Variants in PRKCQ observed in about 807,000 individuals in gnomAD.
The protein encoded by PRKCQ is protein kinase C theta type.
A neutral mutation model predicts 91.2 loss-of-function variants in PRKCQ; 41 were observed. The ratio of observed to expected loss-of-function variants is 0.45; its 90% CI spans 0.35 to 0.58. PRKCQ has a LOEUF of 0.58. Ranked by LOEUF, PRKCQ falls within the 20% of genes least tolerant of loss-of-function variation. The pLI, the probability that PRKCQ is intolerant of heterozygous loss-of-function variation, is 0.00. For synonymous variants in PRKCQ, 307 were observed against 316.9 expected (o/e 0.97, Z 0.33); for missense variants, 673 against 896.5 (o/e 0.75, Z 3.18).
At chr10:6,564,516 T>C (rs1840764605) in intron 1 of PRKCQ, among the ~76,000 whole-genome samples, 2 of 151,994 alleles carry the variant, frequency 1.3e-5, no homozygotes, top group Admixed American at 1.3e-4. Flanking sequence ...AGGAACTTCC[T>C]ACTTTGGGGC....
chr10:6,573,223 A>G (rs1564401065), intron 1 of PRKCQ, among the ~76,000 whole-genome samples: 1 of 152,200 alleles, frequency 6.6e-6, no homozygotes, highest in African/African-American at 2.4e-5. Flanking sequence ...AACTGTGTAG[A>G]AGGCCTGCTT....
chr10:6,456,590 C>A, intron 15 of PRKCQ, 84 bp downstream of exon 15: 1 of 1,518,952 alleles, frequency 6.6e-7, no homozygotes, highest in South Asian at 1.3e-5. Context: ...ATATTTAAAA[C>A]CTTCTGATTT....
chr10:6,541,445 T>G (rs1839771582), intron 1 of PRKCQ, among the ~76,000 whole-genome samples: 1 of 152,184 alleles, frequency 6.6e-6, no homozygotes. Flanking sequence ...AGTACCGAAT[T>G]CTATGACCTG....
Position 6,437,798 on chromosome 10 carries a change from C to T in PRKCQ, c.1836+4095G>A, listed in dbSNP as rs915308564. 2.0e-5 allele frequency among the ~76,000 whole-genome samples: 3 copies of T among 152,086 alleles called. No individual in the cohort carries two copies. The South Asian group carries it at 6.2e-4, about 32-fold the overall frequency. On this transcript the variant is annotated intron_variant, in intron 16 of 17. Coordinates refer to ENST00000263125, the MANE Select transcript of PRKCQ (RefSeq NM_006257.5). ...TCCCAAGTAGCTGGGACCACAGGCG[C>T]CCGCCACAACACCTGGCTAATTTTT...
chr10:6,573,998 C>T (rs1025194815), intron 1 of PRKCQ, among the ~76,000 whole-genome samples: 1 of 152,198 alleles, frequency 6.6e-6, no homozygotes. Context: ...CAACTGTAGT[C>T]CCAGCTACTC....
rs376221125 is a variant in PRKCQ, at chr10:6,430,825, C to T, written c.1950G>A (p.Pro650=). The T allele has an allele frequency of 7.7e-5, 124 of 1,613,896 alleles. No homozygotes were observed. In the African/African-American group the frequency reaches 1.5e-3, roughly 19 times the overall value. ...GAGTCCTTACCACTTTCGGCCGGAACGGTGGGTCAATCTCCTTCCGTTCAA... is the reference window on the plus strand; with the variant it reads ...GAGTCCTTACCACTTTCGGCCGGAATGGTGGGTCAATCTCCTTCCGTTCAA... ...EELERKEIDP[P]FRPKVKSPFD... Residue 650 remains proline (P), a synonymous_variant, in exon 17 of 18, where the codon CCG becomes CCA. Transcript: ENST00000263125. The surrounding 1 kb of genome is among the most constrained non-coding windows in gnomAD (Gnocchi z 4.7).
chr10:6,552,247 A>G (rs1840215506), intron 1 of PRKCQ, among the ~76,000 whole-genome samples: 1 of 152,256 alleles, frequency 6.6e-6, no homozygotes, highest in African/African-American at 2.4e-5. Context: ...AAATATAAAA[A>G]TAACTTTTTA....
At chr10:6,551,761 A>G (rs1840194411) in intron 1 of PRKCQ, among the ~76,000 whole-genome samples, 1 of 152,214 alleles carries the variant, frequency 6.6e-6, no homozygotes, top group Non-Finnish European at 1.5e-5. Flanking sequence ...TGCTATTGCA[A>G]ATAGTGCTGC....
chr10:6,470,971 G>A (rs1835928137), intron 12 of PRKCQ, among the ~76,000 whole-genome samples: 1 of 151,856 alleles, frequency 6.6e-6, no homozygotes. Flanking sequence ...GCTACAGTGG[G>A]TACAAGATCA....
intron 1 of PRKCQ, among the ~76,000 whole-genome samples, chr10:6,575,831 A>C (rs1181765802): frequency 6.6e-6 from 1 of 152,158 alleles, no homozygotes; most frequent in Non-Finnish European, 1.5e-5. Context: ...CATGAGGTCA[A>C]GAGATCGAGA....
At chr10:6,444,996 C>T (rs993620430) in intron 15 of PRKCQ, among the ~76,000 whole-genome samples, 16 of 151,866 alleles carry the variant, frequency 1.1e-4, no homozygotes, top group East Asian at 1.9e-4. Context: ...TGGTGGCGCA[C>T]GCCTGTAATC....
the PRKCQ span, among the ~76,000 whole-genome samples, chr10:6,415,923 T>G: frequency 6.6e-6 from 1 of 151,994 alleles, no homozygotes; most frequent in Non-Finnish European, 1.5e-5. Context: ...TTTTTTGTAT[T>G]TTTAGTAGAG....
chr10:6,450,650 T>C (rs1469518308), intron 15 of PRKCQ, among the ~76,000 whole-genome samples: 1 of 151,850 alleles, frequency 6.6e-6, no homozygotes, highest in Non-Finnish European at 1.5e-5. Flanking sequence ...ACCACACCTA[T>C]TCCAAAATTG....
At chr10:6,415,455 T>TATATAC in the PRKCQ span, among the ~76,000 whole-genome samples, 1 of 118,694 alleles carries the variant, frequency 8.4e-6, no homozygotes, top group African/African-American at 3.3e-5. Context: ...TATATATATA[T>TATATAC]ACACTTACTC....
At chr10:6,419,983 C>G in the PRKCQ span, among the ~76,000 whole-genome samples, 1 of 151,710 alleles carries the variant, frequency 6.6e-6, no homozygotes, top group Non-Finnish European at 1.5e-5. Context: ...GGCAACGTGC[C>G]CAGCCGAAAT....
At chr10:6,521,714 T>C in intron 1 of PRKCQ, among the ~76,000 whole-genome samples, 1 of 152,308 alleles carries the variant, frequency 6.6e-6, no homozygotes, top group East Asian at 1.9e-4. Context: ...GTGACCTTCC[T>C]CTGCACTCTG....
Position 6,462,160 on chromosome 10 carries a change from A to G in PRKCQ, c.1508+143T>C, listed in dbSNP as rs1835381621. 3 of 721,530 alleles carry G rather than the reference A, an allele frequency of 4.2e-6. No individual in the cohort carries two copies. In the Admixed American group the frequency reaches 7.0e-5, roughly 17 times the overall value. 44.7% of individuals were successfully genotyped at this position (721,530 alleles called of 1,614,324 possible). On this transcript the variant is annotated intron_variant, in intron 14 of 17. Transcript: ENST00000263125. ...TTGGTTGTAAGTCATCATCCATGTA[A>G]TCATTGTGGGCAGCAGACCTATGTG... is the stretch of plus-strand genomic sequence containing the variant.
intron 11 of PRKCQ, among the ~76,000 whole-genome samples, chr10:6,482,229 C>G (rs529075403): frequency 2.0e-5 from 3 of 152,258 alleles, no homozygotes; most frequent in African/African-American, 7.2e-5. Context: ...GAGACAGGAC[C>G]TTCAAAGAGG....
downstream of PRKCQ, among the ~76,000 whole-genome samples, chr10:6,425,999 G>A (rs991026278): frequency 2.0e-5 from 3 of 152,122 alleles, no homozygotes; most frequent in African/African-American, 7.2e-5. Flanking sequence ...AACCCAGAGT[G>A]AGGAGAGGAC....
Sources: allele counts gnomAD v4.1 joint callset (sites outside exome capture counted in the v4.1 genomes callset), GRCh38; gene constraint gnomAD v4.1.1; non-coding constraint Gnocchi (gnomAD v3.1); transcripts MANE v1.5; gene names NCBI Gene and HGNC (gene_info 2026-07-23, HGNC 2026-07-21).